The following MS4A14 variants were observed in gnomAD, a reference collection of about 807,000 sequenced individuals.
MS4A14 encodes the protein membrane spanning 4-domains A14, also known as membrane-spanning 4-domains subfamily A member 14.
In MS4A14, 18 loss-of-function variants were observed where a neutral mutation model predicts 16.7. The observed-to-expected ratio is 1.08, with a 90% CI of 0.75 to 1.60. MS4A14 has a LOEUF of 1.60. Ranked by LOEUF, MS4A14 falls within the 40% of genes most tolerant of loss-of-function variation. MS4A14 has a pLI of 0.00. For missense variants in MS4A14, 812 were observed against 775.3 expected (o/e 1.05, Z -0.56); for synonymous variants, 305 against 289.4 (o/e 1.05, Z -0.55).
rs779540723 is a variant in MS4A14, at chr11:60,415,856, C to T, written c.888C>T (p.Asp296=). The change falls in exon 5 of 5, where the codon GAC becomes GAT. Residue 296 remains aspartate (D), a synonymous_variant. Coordinates refer to ENST00000300187, the MANE Select transcript of MS4A14 (RefSeq NM_032597.5). ...AAATGCAAACCAAGCTTCTGCAGGA[C>T]CAAGCTGCGTCACTCCAAGTTTTTC... ...PSQMQTKLLQ[D]QAASLQVFPS... 6.2e-7 allele frequency: 1 copy of T among 1,613,802 alleles called. No homozygotes were observed. The highest frequency in any genetic ancestry group is 1.3e-5 in the African/African-American group (1 of 74,872).
intron 4 of MS4A14, among the ~76,000 whole-genome samples, chr11:60,406,723 A>G (rs1272018004): frequency 3.3e-5 from 5 of 152,112 alleles, no homozygotes; most frequent in Admixed American, 3.3e-4. Flanking sequence ...AAACAACAAA[A>G]TGTACCTATG....
chr11:60,402,980 TC>T lies in MS4A14; in HGVS notation c.388del (p.Leu130SerfsTer81), dbSNP rs2085736936. 1.2e-6 allele frequency: 2 copies of T among 1,613,910 alleles called. No homozygotes were observed. The highest frequency in any genetic ancestry group is 1.7e-6 in the Non-Finnish European group (2 of 1,179,814). On this transcript the variant is annotated frameshift_variant, in exon 4 of 5. Transcript: ENST00000300187. LOFTEE classifies it high-confidence loss of function. ...CGATAACTGGGATTACTTTCACCAT[TC>T]TCAGCTACAGACATCAAGACAAGTA... ...VAITGITFTI[L>X]SYRHQDKYCQ...
rs767554747 is a variant in MS4A14, at chr11:60,416,571, C to T, written c.1603C>T (p.Gln535Ter). Residue 535 changes from glutamine (Q) to a stop codon, truncating the protein, a stop_gained, in exon 5 of 5, where the codon CAG (glutamine) becomes TAG (stop). Transcript: ENST00000300187. LOFTEE classifies it low-confidence loss of function (END_TRUNC). ...WQSPKQKSLD[Q>*]QIKDWLSPKR... ...ATCTCCAAAGCAGAAATCCTTAGAC[C>T]AGCAAATCAAAGACTGGCTATCCCC... is the stretch of plus-strand genomic sequence containing the variant. 9.9e-6 allele frequency: 16 copies of T among 1,613,748 alleles called. 1 individual carries two copies. In the South Asian group the frequency reaches 1.8e-4, roughly 18 times the overall value.
At position 60,415,600 on chromosome 11, in the gene MS4A14, C is replaced by T; in HGVS notation, c.632C>T (p.Thr211Ile). The T allele has an allele frequency of 1.2e-6, 2 of 1,613,784 alleles. No individual in the cohort carries two copies. Among genetic ancestry groups the T allele is most frequent in the Non-Finnish European group, 8.5e-7 (1 of 1,179,788 alleles). ...GGAGGCTATGCTTTCTTCAAGTTAA[C>T]ACTCTCTAGGAGTCCTTTAGTCTCC... ...IFGGYAFFKLTLSRSPLVSQP... is the reference protein window; with the variant it reads ...IFGGYAFFKLILSRSPLVSQP... Residue 211 changes from threonine (T) to isoleucine (I), a missense_variant, in exon 5 of 5, where the codon ACA becomes ATA. Thr to Ile is a moderately conservative substitution (Grantham distance 89). Transcript: ENST00000300187.
intron 3 of MS4A14, among the ~76,000 whole-genome samples, chr11:60,400,708 T>G (rs1315158662): frequency 2.0e-5 from 3 of 152,200 alleles, no homozygotes. Context: ...ATTCATTGTT[T>G]GTAATTAGGG....
intron 4 of MS4A14, among the ~76,000 whole-genome samples, chr11:60,414,407 G>A (rs1221605456): frequency 6.6e-6 from 1 of 152,030 alleles, no homozygotes; most frequent in South Asian, 2.1e-4. Flanking sequence ...ATTAGCAAAC[G>A]AGGTAAGCAT....
At chr11:60,412,991 G>A (rs1391206780) in intron 4 of MS4A14, among the ~76,000 whole-genome samples, 1 of 151,780 alleles carries the variant, frequency 6.6e-6, no homozygotes, top group Non-Finnish European at 1.5e-5. Flanking sequence ...AAACATGTCT[G>A]TATTTTCTTA....
chr11:60,400,016 TCAGC>T (rs2085687439), intron 2 of MS4A14, among the ~76,000 whole-genome samples: 1 of 152,068 alleles, frequency 6.6e-6, no homozygotes, highest in Non-Finnish European at 1.5e-5. Context: ...AGTCCCCATA[TCAGC>T]CTTTAGAGGG....
rs1412279172 is a variant in MS4A14, at chr11:60,416,333, G to A, written c.1365G>A (p.Met455Ile). ...TEPQNQQILQ[M>I]SYQDIRSEVM... ...CTCAAAACCAGCAAATTTTACAAAT[G>A]TCATATCAAGATATTAGATCAGAAG... is the stretch of plus-strand genomic sequence containing the variant. The change falls in exon 5 of 5, where the codon ATG (methionine) becomes ATA (isoleucine). Residue 455 changes from methionine (M) to isoleucine (I), a missense_variant. Met to Ile is a conservative substitution (Grantham distance 10, BLOSUM62 1). Transcript: ENST00000300187. 5 of 1,613,850 alleles carry A rather than the reference G, an allele frequency of 3.1e-6. No homozygotes were observed. Among genetic ancestry groups the A allele is most frequent in the Admixed American group, 1.7e-5 (1 of 59,922 alleles).
At chr11:60,403,796 TG>T (rs763414292) in intron 4 of MS4A14, among the ~76,000 whole-genome samples, 4 of 152,328 alleles carry the variant, frequency 2.6e-5, no homozygotes, top group Admixed American at 2.0e-4. Context: ...TCTTGAAGCA[TG>T]GGTTCTATAA....
At position 60,416,562 on chromosome 11, in the gene MS4A14, T is replaced by C; in HGVS notation, c.1594T>C (p.Ser532Pro). Residue 532 changes from serine to proline, a missense_variant, in exon 5 of 5, where the codon TCC becomes CCC. Physicochemically the swap from Ser to Pro is moderately conservative, Grantham distance 74. Coordinates refer to ENST00000300187, the MANE Select transcript of MS4A14 (RefSeq NM_032597.5). ...AGGCTGGCAATCTCCAAAGCAGAAATCCTTAGACCAGCAAATCAAAGACTG... is the reference window on the plus strand; with the variant it reads ...AGGCTGGCAATCTCCAAAGCAGAAACCCTTAGACCAGCAAATCAAAGACTG... ...SKGWQSPKQK[S>P]LDQQIKDWLS... 1 of 1,613,640 alleles carries C rather than the reference T, an allele frequency of 6.2e-7. No homozygotes were observed. Among genetic ancestry groups the C allele is most frequent in the South Asian group, 1.1e-5 (1 of 91,068 alleles).
At position 60,416,619 on chromosome 11, in the gene MS4A14, C is replaced by G. The variant is rs748622453; in HGVS notation, c.1651C>G (p.Gln551Glu). 1.2e-6 allele frequency: 2 copies of G among 1,613,778 alleles called. No individual in the cohort carries two copies. The highest frequency in any genetic ancestry group is 1.7e-6 in the Non-Finnish European group (2 of 1,179,962). Residue 551 changes from glutamine to glutamate, a missense_variant, in exon 5 of 5, where the codon CAA becomes GAA. Transcript: ENST00000300187. The stretch of plus-strand genomic sequence containing the variant: ...CCCAAAGAGGCACTCCGTAGATAAG[C>G]AAGCTCAACTTAATCAAACTAAAGA... ...LSPKRHSVDK[Q>E]AQLNQTKEQL...
In MS4A14 at chr11:60,416,696, C is replaced by A; in HGVS notation, c.1728C>A (p.Tyr576Ter). The A allele has an allele frequency of 6.2e-7, 1 of 1,613,690 alleles. No individual in the cohort carries two copies. The highest frequency in any genetic ancestry group is 8.5e-7 in the Non-Finnish European group (1 of 1,179,906). The stretch of plus-strand genomic sequence containing the variant: ...ATCAGCAAGCCAAAGGGGAACAATA[C>A]CCAGAAGGACAATCTAAAGATGGAC... The part of the protein sequence containing the change: ...AEDQQAKGEQ[Y>*]PEGQSKDGQV... The change falls in exon 5 of 5, where the codon TAC becomes TAA. Residue 576 changes from tyrosine to a stop codon, truncating the protein, a stop_gained. Transcript: ENST00000300187. LOFTEE classifies it low-confidence loss of function (END_TRUNC).
At chr11:60,408,962 C>T (rs2085827973) in intron 4 of MS4A14, among the ~76,000 whole-genome samples, 1 of 152,076 alleles carries the variant, frequency 6.6e-6, no homozygotes, top group Admixed American at 6.6e-5. Flanking sequence ...TCCATCAATA[C>T]CAACCAACAG....
At position 60,397,851 on chromosome 11, in the gene MS4A14, G is replaced by A; in HGVS notation, c.139-1G>A. On this transcript the variant is annotated splice_acceptor_variant, in intron 1 of 4. Coordinates refer to ENST00000300187, the MANE Select transcript of MS4A14 (RefSeq NM_032597.5). LOFTEE classifies it high-confidence loss of function. ...TCATGTACCCATTTCTCTCCTCACA[G>A]GCTACCCAGATCCTGCTTGCTCTAA... 1 of 1,608,956 alleles carries A rather than the reference G, an allele frequency of 6.2e-7. No homozygotes were observed. Among genetic ancestry groups the A allele is most frequent in the Non-Finnish European group, 8.5e-7 (1 of 1,177,892 alleles).
At chr11:60,403,895 G>C (rs115464944) in intron 4 of MS4A14, among the ~76,000 whole-genome samples, 2,685 of 152,324 alleles carry the variant, frequency 0.018, 72 homozygotes, top group African/African-American at 0.058. Flanking sequence ...TGAGAAGTTA[G>C]TTCCTGAATA....
chr11:60,416,476 T>C lies in MS4A14; in HGVS notation c.1508T>C (p.Leu503Ser). 6.2e-7 allele frequency: 1 copy of C among 1,613,962 alleles called. No individual in the cohort carries two copies. Residue 503 changes from leucine to serine, a missense_variant, in exon 5 of 5, where the codon TTA becomes TCA. By Grantham distance (145) the Leu-to-Ser change is moderately radical (BLOSUM62 -2). Coordinates refer to ENST00000300187, the MANE Select transcript of MS4A14 (RefSeq NM_032597.5). ...KALQYLRRHSLDVQAKGQKSS... is the reference protein window; with the variant it reads ...KALQYLRRHSSDVQAKGQKSS... ...TTGCAATACTTAAGGAGACATTCTT[T>C]AGACGTGCAAGCCAAAGGCCAGAAA...
chr11:60,398,172 G>A, intron 2 of MS4A14, 192 bp downstream of exon 2: 1 of 492,008 alleles, frequency 2.0e-6, no homozygotes, highest in Non-Finnish European at 3.5e-6. Context: ...CTACTCTCAG[G>A]TGCTTAAAAT....
At chr11:60,408,672 G>A (rs1438053891) in intron 4 of MS4A14, among the ~76,000 whole-genome samples, 1 of 152,054 alleles carries the variant, frequency 6.6e-6, no homozygotes, top group Non-Finnish European at 1.5e-5. Flanking sequence ...ATTCCATTTT[G>A]TGTATATACC....
Sources: allele counts gnomAD v4.1 joint callset (sites outside exome capture counted in the v4.1 genomes callset), GRCh38; gene constraint gnomAD v4.1.1; transcripts MANE v1.5; gene names NCBI Gene and HGNC (gene_info 2026-07-23, HGNC 2026-07-21).